Variants in SGCE observed in about 807,000 individuals in gnomAD.
The protein encoded by SGCE is epsilon-sarcoglycan.
SGCE carries 26 observed loss-of-function variants against 57.8 expected under a neutral mutation model. That is an observed-to-expected ratio of 0.45 (90% CI 0.33 to 0.62). The LOEUF is 0.62. Among genes scored for constraint, SGCE ranks in the 20% least tolerant of loss-of-function variants. The pLI is 0.02. For synonymous variants in SGCE, 183 were observed against 189.5 expected, an observed-to-expected ratio of 0.97 and a Z score of 0.28; for missense variants, 468 against 548.6, an observed-to-expected ratio of 0.85 and a Z score of 1.47.
chr7:94,591,998 T>C (rs926407694), intron 9 of SGCE, among the ~76,000 whole-genome samples: 23 of 152,292 alleles, frequency 1.5e-4, no homozygotes, highest in African/African-American at 5.5e-4. Flanking sequence ...AAAATGCTTG[T>C]GTGCGCAAAA....
intron 10 of SGCE, chr7:94,587,868 C>T (rs1797113100): frequency 6.6e-7 from 1 of 1,522,326 alleles, no homozygotes; most frequent in East Asian, 2.6e-5. Context: ...AAACATCCAA[C>T]ACATTTCTGA....
At chr7:94,625,013 G>A (rs1360929819) in intron 3 of SGCE, 1 of 151,934 alleles carries the variant, frequency 6.6e-6, no homozygotes, top group Non-Finnish European at 1.5e-5. Context: ...CACTTCCAAT[G>A]AGACATTTAA....
chr7:94,595,293 A>C (rs551728554), intron 9 of SGCE, among the ~76,000 whole-genome samples: 1 of 152,276 alleles, frequency 6.6e-6, no homozygotes, highest in South Asian at 2.1e-4. Context: ...TGACTTGTTT[A>C]AAGGAACAAA....
At chr7:94,613,915 C>A (rs1409365196) in intron 5 of SGCE, among the ~76,000 whole-genome samples, 1 of 151,804 alleles carries the variant, frequency 6.6e-6, no homozygotes, top group African/African-American at 2.4e-5. Context: ...TGCAATTAAT[C>A]AATCAAAAAG....
intron 5 of SGCE, among the ~76,000 whole-genome samples, chr7:94,610,060 T>C (rs751295430): frequency 2.6e-5 from 4 of 152,210 alleles, no homozygotes; most frequent in African/African-American, 7.2e-5. Context: ...TGAAACGATA[T>C]GGAAGAAACT....
chr7:94,591,393 A>G (rs1311127929), intron 9 of SGCE, among the ~76,000 whole-genome samples: 4 of 152,166 alleles, frequency 2.6e-5, no homozygotes, highest in Non-Finnish European at 4.4e-5. Flanking sequence ...GGCGCACACC[A>G]CACACAAGCA....
intron 1 of SGCE, among the ~76,000 whole-genome samples, chr7:94,631,153 T>A (rs1373658194): frequency 6.6e-6 from 1 of 152,054 alleles, no homozygotes; most frequent in East Asian, 1.9e-4. Flanking sequence ...TGTTTTGTAC[T>A]AGTATTCATA....
chr7:94,635,920 C>G (rs372553585), intron 1 of SGCE, among the ~76,000 whole-genome samples: 2 of 152,080 alleles, frequency 1.3e-5, no homozygotes, highest in African/African-American at 2.4e-5. Context: ...TGGCATTGGC[C>G]AGCTATTGTT....
intron 5 of SGCE, among the ~76,000 whole-genome samples, chr7:94,607,193 G>A (rs930587653): frequency 6.6e-6 from 1 of 152,116 alleles, no homozygotes; most frequent in Admixed American, 6.5e-5. Flanking sequence ...AGGTCCAGAT[G>A]GGTTCACTGT....
chr7:94,623,338 T>A lies in SGCE; in HGVS notation c.450A>T (p.Ile150=). ...TTTCATACCTACCTTCTGCAGACAT[T>A]ATATTAATTATCAAATTATGCCTTG... ...ETARHNLIIN[I]MSAEDFPLPY... is the part of the protein sequence containing the mutation. Residue 150 remains isoleucine (I), a synonymous_variant, in exon 4 of 11, where the codon ATA becomes ATT. Transcript: ENST00000648936. The A allele has an allele frequency of 6.3e-7, 1 of 1,591,554 alleles. No individual in the cohort carries two copies. The highest frequency in any genetic ancestry group is 8.6e-7 in the Non-Finnish European group (1 of 1,161,326).
intron 8 of SGCE, 56 bp from the exon 9 acceptor site, chr7:94,599,019 G>T (rs1479976651): frequency 7.7e-7 from 1 of 1,291,406 alleles, no homozygotes; most frequent in Non-Finnish European, 1.1e-6. Flanking sequence ...TAGCCTGATG[G>T]GTCATCAATT....
At chr7:94,635,494 T>C (rs778513193) in intron 1 of SGCE, among the ~76,000 whole-genome samples, 1 of 152,230 alleles carries the variant, frequency 6.6e-6, no homozygotes, top group Non-Finnish European at 1.5e-5. Flanking sequence ...GTCTCATATT[T>C]TATAGTTTTA....
intron 9 of SGCE, chr7:94,597,565 AAGAG>A (rs1798579981): frequency 6.6e-6 from 1 of 151,616 alleles, no homozygotes; most frequent in South Asian, 2.1e-4. Context: ...GAGAGAGAGA[AAGAG>A]AGACTGAGAG....
chr7:94,650,266 A>T (rs1046256340), intron 1 of SGCE, among the ~76,000 whole-genome samples: 17 of 152,104 alleles, frequency 1.1e-4, no homozygotes, highest in Non-Finnish European at 1.8e-4. Flanking sequence ...TGCAGAAGGG[A>T]CCCTATTTCC....
At chr7:94,638,639 CAAA>C in intron 1 of SGCE, among the ~76,000 whole-genome samples, 1 of 115,162 alleles carries the variant, frequency 8.7e-6, no homozygotes, top group African/African-American at 2.7e-5. Flanking sequence ...ATCATAAAGC[CAAA>C]AAAAAAAAAA....
chr7:94,625,309 G>T (rs1270073900), intron 3 of SGCE: 1 of 151,866 alleles, frequency 6.6e-6, no homozygotes, highest in Non-Finnish European at 1.5e-5. Flanking sequence ...ATGTGAAAAT[G>T]AGCTATTTAC....
chr7:94,588,338 T>C, intron 10 of SGCE: 1 of 1,089,632 alleles, frequency 9.2e-7, no homozygotes, highest in South Asian at 3.0e-5. Context: ...TTCAAGCTGC[T>C]CACTTACTGA....
At chr7:94,641,173 CACTT>C (rs567223224) in intron 1 of SGCE, among the ~76,000 whole-genome samples, 200 of 152,252 alleles carry the variant, frequency 1.3e-3, no homozygotes, top group Non-Finnish European at 2.4e-3. Context: ...TCAACATCCT[CACTT>C]ACTGCAAAAA....
At chr7:94,654,554 G>C (rs989340932) in intron 1 of SGCE, among the ~76,000 whole-genome samples, 1 of 152,174 alleles carries the variant, frequency 6.6e-6, no homozygotes, top group Non-Finnish European at 1.5e-5. Context: ...AAGTATAATT[G>C]TGTTTACCCA....
Sources: gnomAD v4.1 joint callset for allele counts (sites outside exome capture counted in the v4.1 genomes callset) on GRCh38, gnomAD v4.1.1 for gene constraint, MANE v1.5 for transcripts, NCBI Gene and HGNC (gene_info 2026-07-23, HGNC 2026-07-21) for gene names.